DCLK1: variants seen among roughly 807,000 people sequenced by gnomAD.
The protein encoded by DCLK1 is serine/threonine-protein kinase DCLK1.
A neutral mutation model predicts 86.2 loss-of-function variants in DCLK1; 16 were observed. That is an observed-to-expected ratio of 0.19 (90% confidence interval 0.13 to 0.28). DCLK1 has a LOEUF of 0.28. Ranked by LOEUF, DCLK1 falls within the 10% of genes least tolerant of loss-of-function variation. The pLI, the probability that DCLK1 is intolerant of heterozygous loss-of-function variation, is 1.00. For synonymous variants in DCLK1, 369 were observed against 370.5 expected (o/e 1.00, Z 0.05); for missense variants, 590 against 940.2 (o/e 0.63, Z 4.87).
At chr13:36,011,965 C>T (rs1341273000) in intron 3 of DCLK1, among the ~76,000 whole-genome samples, 1 of 149,716 alleles carries the variant, frequency 6.7e-6, no homozygotes, top group African/African-American at 2.5e-5. Flanking sequence ...TGAATTGATC[C>T]CTTTACCATT....
chr13:36,093,950 C>T (rs192334185), intron 3 of DCLK1, among the ~76,000 whole-genome samples: 25 of 152,150 alleles, frequency 1.6e-4, no homozygotes, highest in African/African-American at 6.0e-4. Context: ...GACGGGGTCT[C>T]ACCATATTGT....
intron 3 of DCLK1, among the ~76,000 whole-genome samples, chr13:36,045,008 C>T (rs1375637520): frequency 6.6e-6 from 1 of 151,300 alleles, no homozygotes; most frequent in Admixed American, 6.6e-5. Flanking sequence ...TAAATATATA[C>T]CTTATAATAA....
chr13:36,017,032 T>C (rs1475100432), intron 3 of DCLK1, among the ~76,000 whole-genome samples: 2 of 152,168 alleles, frequency 1.3e-5, no homozygotes, highest in Non-Finnish European at 2.9e-5. Flanking sequence ...CAGAAAAATA[T>C]CAGCAACTGC....
At chr13:35,917,810 C>CG (rs1555349905) in intron 4 of DCLK1, among the ~76,000 whole-genome samples, 2 of 139,290 alleles carry the variant, frequency 1.4e-5, no homozygotes, top group South Asian at 2.7e-4. Context: ...TTTCCTGTGG[C>CG]GGGGGGCAGG....
chr13:36,063,342 G>A (rs1308409851), intron 3 of DCLK1, among the ~76,000 whole-genome samples: 1 of 152,078 alleles, frequency 6.6e-6, no homozygotes, highest in African/African-American at 2.4e-5. Flanking sequence ...ATGCTGAAGA[G>A]CCAGAGAGAA....
At chr13:36,058,268 A>G (rs1883409029) in intron 3 of DCLK1, among the ~76,000 whole-genome samples, 1 of 152,184 alleles carries the variant, frequency 6.6e-6, no homozygotes, top group Admixed American at 6.5e-5. Flanking sequence ...ACTGGCCACA[A>G]GCGTCCAAGC....
intron 4 of DCLK1, among the ~76,000 whole-genome samples, chr13:35,945,296 C>A (rs1414992640): frequency 1.3e-5 from 2 of 152,190 alleles, no homozygotes; most frequent in Non-Finnish European, 2.9e-5. Flanking sequence ...TCCTGTTGTA[C>A]TTCTCAGAAA....
intron 15 of DCLK1, among the ~76,000 whole-genome samples, chr13:35,800,258 C>T (rs1176580904): frequency 5.9e-5 from 9 of 152,208 alleles, no homozygotes; most frequent in Non-Finnish European, 1.0e-4. Context: ...TAAGATTGCC[C>T]TCTCAGACTC....
In DCLK1 at chr13:36,125,844, G is replaced by A. The variant is rs761161399; in HGVS notation, c.294C>T (p.Asn98=). 3 of 1,614,154 alleles carry A rather than the reference G, an allele frequency of 1.9e-6. No homozygotes were observed. The highest frequency in any genetic ancestry group is 3.3e-5 in the Admixed American group (2 of 60,014). The change falls in exon 2 of 17, where the codon AAC becomes AAT. Residue 98 remains asparagine (N), a synonymous_variant. Coordinates refer to ENST00000360631, the MANE Select transcript of DCLK1 (RefSeq NM_001330071.2). ...LADLTRTLSD[N]VNLPQGVRTI... is the part of the protein sequence containing the mutation. ...TTCTCACTCCCTGGGGCAAATTCAC[G>A]TTATCCGACAGAGTTCGGGTCAAAT... is the stretch of plus-strand genomic sequence containing the variant.
At chr13:35,955,259 G>A (rs1295289025) in intron 3 of DCLK1, among the ~76,000 whole-genome samples, 1 of 151,474 alleles carries the variant, frequency 6.6e-6, no homozygotes, top group Non-Finnish European at 1.5e-5. Flanking sequence ...AGTCCATTCA[G>A]GCTGCTATAA....
At chr13:35,821,369 C>T (rs1208850680) in intron 11 of DCLK1, among the ~76,000 whole-genome samples, 2 of 152,012 alleles carry the variant, frequency 1.3e-5, no homozygotes, top group Non-Finnish European at 2.9e-5. Flanking sequence ...TGCGGGTTAC[C>T]TGGGGGAGGT....
intron 3 of DCLK1, among the ~76,000 whole-genome samples, chr13:36,041,953 CTCT>C (rs1386110577): frequency 6.6e-6 from 1 of 152,128 alleles, no homozygotes; most frequent in Non-Finnish European, 1.5e-5. Flanking sequence ...TTTTTATTGT[CTCT>C]TCTTCTCTTG....
At chr13:35,845,542 C>G (rs1209467534) in intron 6 of DCLK1, among the ~76,000 whole-genome samples, 1 of 152,148 alleles carries the variant, frequency 6.6e-6, no homozygotes, top group East Asian at 1.9e-4. Flanking sequence ...GCCTAGGACA[C>G]CATTAGTGGT....
At chr13:35,849,197 A>G (rs1870429394) in intron 6 of DCLK1, 1 of 985,200 alleles carries the variant, frequency 1.0e-6, no homozygotes, top group Non-Finnish European at 1.2e-6. Flanking sequence ...ATTCACTTGT[A>G]AAGTGAGATG....
intron 3 of DCLK1, among the ~76,000 whole-genome samples, chr13:35,971,435 T>C (rs1224521786): frequency 6.6e-6 from 1 of 152,068 alleles, no homozygotes; most frequent in Non-Finnish European, 1.5e-5. Context: ...AATGATGAGA[T>C]ACAAGAAGAC....
chr13:35,939,978 T>G (rs1876989619), intron 4 of DCLK1, among the ~76,000 whole-genome samples: 1 of 152,242 alleles, frequency 6.6e-6, no homozygotes, highest in South Asian at 2.1e-4. Context: ...GCACCTAAGA[T>G]CCCCTGACAT....
intron 2 of DCLK1, among the ~76,000 whole-genome samples, chr13:36,121,156 G>C (rs566280996): frequency 1.7e-4 from 26 of 152,282 alleles, no homozygotes; most frequent in Non-Finnish European, 3.5e-4. Flanking sequence ...TGGTAACTTT[G>C]TATAAAGGAG....
chr13:36,111,216 T>C (rs1436347628), intron 3 of DCLK1, among the ~76,000 whole-genome samples: 1 of 152,134 alleles, frequency 6.6e-6, no homozygotes, highest in Non-Finnish European at 1.5e-5. Flanking sequence ...CAATAAAAGG[T>C]GATGCTTCCT....
chr13:35,808,370 A>C, intron 13 of DCLK1, 50 bp from the exon 14 acceptor site: 275 of 1,466,364 alleles, frequency 1.9e-4, no homozygotes, highest in Non-Finnish European at 2.4e-4. Flanking sequence ...ATATCAACTC[A>C]GTGTACATCT....
Sources: gnomAD v4.1 joint callset for allele counts (sites outside exome capture counted in the v4.1 genomes callset) on GRCh38, gnomAD v4.1.1 for gene constraint, MANE v1.5 for transcripts, NCBI Gene and HGNC (gene_info 2026-07-23, HGNC 2026-07-21) for gene names.